Variants in XPO4 observed in about 807,000 individuals in gnomAD.
XPO4 encodes the protein exportin-4.
Under a neutral mutation model 143.0 loss-of-function variants are expected in XPO4, and 39 were observed. The observed-to-expected ratio is 0.27, with a 90% CI of 0.21 to 0.36. The LOEUF (loss-of-function observed/expected upper bound fraction) is 0.36, where lower values mean the gene tolerates loss of function less well. XPO4 is among the 10% of genes least tolerant of loss of function. The pLI is 1.00. For synonymous variants in XPO4, 439 were observed against 474.0 expected (o/e 0.93, Z 0.96); for missense variants, 907 against 1,348.0 (o/e 0.67, Z 5.12).
At chr13:20,900,730 G>A (rs1484347405) in intron 1 of XPO4, among the ~76,000 whole-genome samples, 1 of 151,100 alleles carries the variant, frequency 6.6e-6, no homozygotes, top group Non-Finnish European at 1.5e-5. Context: ...TCCTGTCTTC[G>A]CCTCCAGAGT....
chr13:20,882,109 C>CAAAAAAAAAAAA (rs35404161), intron 1 of XPO4, among the ~76,000 whole-genome samples: 16 of 93,340 alleles, frequency 1.7e-4, no homozygotes, highest in African/African-American at 6.2e-4. Context: ...GACTCGGTCT[C>CAAAAAAAAAAAA]AAAAAAAAAA....
At chr13:20,834,372 A>G (rs1367233586) in intron 6 of XPO4, among the ~76,000 whole-genome samples, 1 of 152,124 alleles carries the variant, frequency 6.6e-6, no homozygotes, top group East Asian at 1.9e-4. Flanking sequence ...TGAATAATAA[A>G]AAAATACTCA....
chr13:20,876,243 T>C (rs888171107), intron 1 of XPO4, among the ~76,000 whole-genome samples: 14 of 97,382 alleles, frequency 1.4e-4, no homozygotes, highest in African/African-American at 5.5e-4. Context: ...GCCTGGACAA[T>C]GAAAGCAAAA....
intron 3 of XPO4, among the ~76,000 whole-genome samples, chr13:20,861,297 CTT>C (rs68037393): frequency 3.7e-5 from 5 of 134,924 alleles, no homozygotes; most frequent in Admixed American, 7.8e-5. Context: ...TAGTTTTCCT[CTT>C]TTTTTTTTTT....
intron 1 of XPO4, among the ~76,000 whole-genome samples, chr13:20,896,417 A>G (rs891016006): frequency 6.6e-6 from 1 of 152,180 alleles, no homozygotes; most frequent in Non-Finnish European, 1.5e-5. Flanking sequence ...TATTCTGCAA[A>G]TAAGCTGTAT....
chr13:20,820,534 A>G (rs1168654085), intron 9 of XPO4, among the ~76,000 whole-genome samples: 1 of 152,240 alleles, frequency 6.6e-6, no homozygotes, highest in East Asian at 1.9e-4. Flanking sequence ...AGAATCTGTG[A>G]TCATTTGAAA....
chr13:20,783,942 A>G, intron 22 of XPO4, 23 bp from the exon 23 acceptor site: 1 of 1,608,666 alleles, frequency 6.2e-7, no homozygotes, highest in South Asian at 1.1e-5. Context: ...TAAAGTATAC[A>G]CAAGTATCCT....
intron 4 of XPO4, chr13:20,851,711 C>CAAAAAAAAAAAAAAAAAAAA (rs11340357): frequency 1.5e-6 from 1 of 681,860 alleles, no homozygotes. Context: ...CCCGGTCTCA[C>CAAAAAAAAAAAAAAAAAAAA]AAAAAAAAAA....
intron 19 of XPO4, among the ~76,000 whole-genome samples, chr13:20,788,824 AACAG>A (rs1427196465): frequency 2.0e-5 from 3 of 152,258 alleles, no homozygotes; most frequent in Admixed American, 6.5e-5. Context: ...GAAACAAAGT[AACAG>A]ACAGTCAAAA....
At chr13:20,858,448 A>G (rs1208751766) in intron 3 of XPO4, among the ~76,000 whole-genome samples, 1 of 152,214 alleles carries the variant, frequency 6.6e-6, no homozygotes, top group Admixed American at 6.5e-5. Context: ...GTACATATAC[A>G]TAAGAGAGAA....
chr13:20,863,587 A>G (rs1251001142), intron 2 of XPO4, among the ~76,000 whole-genome samples: 1 of 152,238 alleles, frequency 6.6e-6, no homozygotes, highest in Non-Finnish European at 1.5e-5. Context: ...AATGTTTTAT[A>G]TTAATTTTCT....
intron 1 of XPO4, among the ~76,000 whole-genome samples, chr13:20,889,444 T>C (rs543412866): frequency 1.3e-5 from 2 of 152,290 alleles, no homozygotes; most frequent in Non-Finnish European, 2.9e-5. Context: ...CATCTGGCAG[T>C]GTATGGAAAC....
intron 3 of XPO4, among the ~76,000 whole-genome samples, 177 bp from the exon 4 acceptor site, chr13:20,855,942 T>C (rs1374458339): frequency 2.0e-5 from 3 of 152,172 alleles, no homozygotes; most frequent in East Asian, 3.8e-4. Context: ...CCAGGCTCCA[T>C]TGTGGACGGG....
intron 9 of XPO4, among the ~76,000 whole-genome samples, chr13:20,819,834 A>G (rs1384267432): frequency 1.3e-5 from 2 of 151,946 alleles, no homozygotes; most frequent in East Asian, 1.9e-4. Flanking sequence ...TTAGCTGTAT[A>G]CTCCCCTGGT....
intron 1 of XPO4, among the ~76,000 whole-genome samples, chr13:20,895,102 C>T (rs988427170): frequency 6.6e-6 from 1 of 151,890 alleles, no homozygotes; most frequent in Non-Finnish European, 1.5e-5. Context: ...TGCTTGAACC[C>T]GGGAGGCAGG....
chr13:20,792,382 G>T (rs2059295214), intron 18 of XPO4, among the ~76,000 whole-genome samples: 2 of 152,070 alleles, frequency 1.3e-5, no homozygotes, highest in Admixed American at 1.3e-4. Context: ...CACGAGGTCA[G>T]GAGTTTAAGA....
chr13:20,810,021 A>G (rs2059557313), intron 9 of XPO4, 54 bp from the exon 10 acceptor site: 3 of 1,449,012 alleles, frequency 2.1e-6, no homozygotes, highest in Non-Finnish European at 1.9e-6. Context: ...CAATTGGCAT[A>G]ACAACAGTCA....
At chr13:20,883,627 T>C (rs2138163920) in intron 1 of XPO4, among the ~76,000 whole-genome samples, 1 of 152,326 alleles carries the variant, frequency 6.6e-6, no homozygotes, top group Non-Finnish European at 1.5e-5. Flanking sequence ...TGAAAGCATG[T>C]TCCTACAAAT....
chr13:20,888,175 CAAA>C (rs60114182), intron 1 of XPO4, among the ~76,000 whole-genome samples: 1 of 90,568 alleles, frequency 1.1e-5, no homozygotes, highest in Non-Finnish European at 2.0e-5. Flanking sequence ...AACTCCATCT[CAAA>C]AAAAAAAAAA....
Sources: gnomAD v4.1 joint callset for allele counts (sites outside exome capture counted in the v4.1 genomes callset) on GRCh38, gnomAD v4.1.1 for gene constraint, MANE v1.5 for transcripts, NCBI Gene and HGNC (gene_info 2026-07-23, HGNC 2026-07-21) for gene names.